C4orf50: variants seen among roughly 807,000 people sequenced by gnomAD.
C4orf50 encodes chromosome 4 open reading frame 50.
A neutral mutation model predicts 77.2 loss-of-function variants in C4orf50; 80 were observed. The ratio of observed to expected loss-of-function variants is 1.04; its 90% CI spans 0.87 to 1.25. C4orf50 has a LOEUF of 1.25. C4orf50 is among the 50% of genes most tolerant of loss of function. The pLI, the probability that C4orf50 is intolerant of heterozygous loss-of-function variation, is 0.00. For synonymous variants in C4orf50, 532 were observed against 465.3 expected (o/e 1.14, Z -1.84); for missense variants, 1,257 against 1,152.9 (o/e 1.09, Z -1.31).
intron 7 of C4orf50, among the ~76,000 whole-genome samples, chr4:5,944,771 G>C (rs1718411061): frequency 6.6e-6 from 1 of 152,192 alleles, no homozygotes; most frequent in Non-Finnish European, 1.5e-5. Flanking sequence ...ACAGGGCTCA[G>C]CGGCACGGTG....
chr4:6,010,555 G>A (rs1722451439), intron 24 of C4orf50, among the ~76,000 whole-genome samples: 1 of 152,306 alleles, frequency 6.6e-6, no homozygotes, highest in South Asian at 2.1e-4. Flanking sequence ...TAGCACGTGC[G>A]ATGTGCTTGC....
chr4:5,900,189 A>G lies in C4orf50; in HGVS notation c.*2475-2001T>C, dbSNP rs1716285444. The stretch of plus-strand genomic sequence containing the variant: ...GAAGCTCACCAGCCTGAAGATGAAA[A>G]GCCCCTCTCAAGTTTATAAAAGTTT... On this transcript the variant is annotated intron_variant, in intron 7 of 7. Transcript: ENST00000324058. The surrounding 1 kb of genome is among the most constrained non-coding windows in gnomAD (Gnocchi z 4.3). 6.6e-6 allele frequency: 1 copy of G among 152,186 alleles called. No homozygotes were observed. Among genetic ancestry groups the G allele is most frequent in the Non-Finnish European group, 1.5e-5 (1 of 68,036 alleles). 9.4% of individuals were successfully genotyped at this position (152,186 alleles called of 1,614,324 possible).
At chr4:5,972,280 G>A (rs1351347846) in intron 31 of C4orf50, among the ~76,000 whole-genome samples, 2 of 152,124 alleles carry the variant, frequency 1.3e-5, no homozygotes, top group Non-Finnish European at 1.5e-5. Context: ...TGGGATTACA[G>A]GCACGAGCCA....
rs183345707 is a variant in C4orf50, at chr4:5,911,092, C to T, written c.*2475-12904G>A. ...GGCTAATTGTTTTTTGTATTTTTTA[C>T]TAGAGACAGGGTTTCACCATGTTAG... On this transcript the variant is annotated intron_variant, in intron 7 of 7. Coordinates refer to the C4orf50 transcript ENST00000324058. Among the ~76,000 whole-genome samples, 205 of 151,848 alleles carry T rather than the reference C, an allele frequency of 1.4e-3. 1 individual carries two copies. Among genetic ancestry groups the T allele is most frequent in the African/African-American group, 4.7e-3 (196 of 41,436 alleles).
intron 32 of C4orf50, 38 bp from the exon 11 acceptor site, chr4:5,965,183 A>G: frequency 6.3e-7 from 1 of 1,598,134 alleles, no homozygotes; most frequent in Middle Eastern, 1.7e-4. Flanking sequence ...TCCACCCAGG[A>G]ACCTAGGTGA....
intron 25 of C4orf50, among the ~76,000 whole-genome samples, chr4:6,005,920 G>A (rs58013116): frequency 0.012 from 1,891 of 152,270 alleles, 22 homozygotes; most frequent in African/African-American, 0.034. Context: ...TAGGATGAAT[G>A]GAGAGATTGG....
exon 28 of C4orf50, chr4:5,990,204 G>C: frequency 1.6e-6 from 2 of 1,245,130 alleles, no homozygotes; most frequent in Non-Finnish European, 1.0e-6. Context: ...CAGGGCGGCA[G>C]GTGGCGGCCT....
At chr4:5,980,228 G>A (rs1720502454) in exon 29 of C4orf50, 3 of 1,610,576 alleles carry the variant, frequency 1.9e-6, no homozygotes, top group South Asian at 2.2e-5. Flanking sequence ...ACGCCTGGTG[G>A]GCAGCGCCCT....
intron 7 of C4orf50, among the ~76,000 whole-genome samples, chr4:5,941,036 A>G (rs1173524432): frequency 1.3e-5 from 2 of 152,224 alleles, no homozygotes; most frequent in African/African-American, 4.8e-5. Context: ...GCCAATCTAC[A>G]TCTAATGTGT....
intron 7 of C4orf50, among the ~76,000 whole-genome samples, chr4:5,945,245 G>C (rs1005833150): frequency 6.6e-6 from 1 of 152,186 alleles, no homozygotes; most frequent in African/African-American, 2.4e-5. Context: ...ATTCGGATTT[G>C]ACTGCCTGGC....
intron 7 of C4orf50, among the ~76,000 whole-genome samples, chr4:5,935,333 A>C (rs1050050874): frequency 2.0e-5 from 3 of 152,234 alleles, no homozygotes; most frequent in Non-Finnish European, 4.4e-5. Flanking sequence ...ATTAGAAGAT[A>C]GAGAGGAAGT....
chr4:5,975,481 T>A (rs1720219336), intron 30 of C4orf50, among the ~76,000 whole-genome samples: 1 of 144,952 alleles, frequency 6.9e-6, no homozygotes, highest in South Asian at 2.3e-4. Context: ...TCTCCTTCAT[T>A]CTTCTTTGCG....
chr4:5,988,991 C>T (rs754663308), exon 28 of C4orf50: 7 of 1,536,074 alleles, frequency 4.6e-6, no homozygotes, highest in East Asian at 4.9e-5. Flanking sequence ...TCATTTTCCT[C>T]TTCAAGCTCC....
chr4:6,001,639 CAG>C (rs1721833400), intron 25 of C4orf50, among the ~76,000 whole-genome samples: 1 of 152,224 alleles, frequency 6.6e-6, no homozygotes, highest in South Asian at 2.1e-4. Context: ...GCTCTGATAA[CAG>C]AGAGTCAGTG....
At chr4:5,922,050 A>G (rs1193996781) in intron 7 of C4orf50, among the ~76,000 whole-genome samples, 14 of 152,184 alleles carry the variant, frequency 9.2e-5, no homozygotes, top group Admixed American at 9.2e-4. Context: ...GTCAAGCAGG[A>G]AAGTGATGAG....
rs547395739 is a variant in C4orf50 at position 6,009,230 on chromosome 4, C to T, written c.427-698G>A. ...GAACACATCTGCCTCCTCCCACCCACGGGCCGTGAGCTGGACTGGGGTGCA... is the reference window on the plus strand; with the variant it reads ...GAACACATCTGCCTCCTCCCACCCATGGGCCGTGAGCTGGACTGGGGTGCA... On this transcript the variant is annotated intron_variant, in intron 24 of 33. Transcript: ENST00000531445. This position sits in a 1 kb window ranked among gnomAD's most constrained non-coding sequence, Gnocchi z 5.6. 4.3e-4 allele frequency among the ~76,000 whole-genome samples: 66 copies of T among 152,326 alleles called. No individual in the cohort carries two copies. The South Asian group carries it at 5.4e-3, about 12-fold the overall frequency.
exon 28 of C4orf50, chr4:5,988,864 G>A (rs183671118): frequency 8.5e-6 from 13 of 1,535,990 alleles, no homozygotes; most frequent in East Asian, 7.3e-5. Context: ...GCCAAGCTCC[G>A]AGATCAGTGT....
Position 6,011,256 on chromosome 4 carries a change from G to A in C4orf50, c.426+574C>T, listed in dbSNP as rs774712768. Among the ~76,000 whole-genome samples, 18 of 152,130 alleles carry A rather than the reference G, an allele frequency of 1.2e-4. No homozygotes were observed. The highest frequency in any genetic ancestry group is 2.6e-4 in the Non-Finnish European group (18 of 68,018). On this transcript the variant is annotated intron_variant, in intron 24 of 33. Coordinates refer to ENST00000531445, the Ensembl canonical transcript of C4orf50. The surrounding 1 kb of genome is among the most constrained non-coding windows in gnomAD (Gnocchi z 4.2). ...GGCCATGCAGCGGAGTTGGCCACCTGGCCCCTCTGGAACTTTCCGACTCAC... is the reference window on the plus strand; with the variant it reads ...GGCCATGCAGCGGAGTTGGCCACCTAGCCCCTCTGGAACTTTCCGACTCAC...
chr4:5,996,258 A>G (rs1392688784), intron 25 of C4orf50, among the ~76,000 whole-genome samples: 1 of 152,068 alleles, frequency 6.6e-6, no homozygotes, highest in Non-Finnish European at 1.5e-5. Flanking sequence ...AGGGGCCTGG[A>G]TCGCTTGCCT....
Sources: gnomAD v4.1 joint callset for allele counts (sites outside exome capture counted in the v4.1 genomes callset) on GRCh38, gnomAD v4.1.1 for gene constraint, Gnocchi (gnomAD v3.1) non-coding constraint, MANE v1.5 for transcripts, NCBI Gene and HGNC (gene_info 2026-07-23, HGNC 2026-07-21) for gene names.